Variants in HDAC8 observed in about 807,000 individuals in gnomAD.
The protein encoded by HDAC8 is histone deacetylase-like 1.
In HDAC8, 1 loss-of-function variant was observed where a neutral mutation model predicts 32.2. The observed-to-expected ratio is 0.03, with a 90% confidence interval of 0.01 to 0.15. HDAC8 has a LOEUF of 0.15. Among genes scored for constraint, HDAC8 ranks in the 10% least tolerant of loss-of-function variants. The pLI is 1.00. For missense variants in HDAC8, 117 were observed against 300.0 expected, an observed-to-expected ratio of 0.39 and a Z score of 4.51; for synonymous variants, 108 against 113.9, an observed-to-expected ratio of 0.95 and a Z score of 0.33.
chrX:72,567,166 C>T (rs1175731305), intron 4 of HDAC8, among the ~76,000 whole-genome samples: 1 of 111,340 alleles, frequency 9.0e-6, no homozygotes, highest in African/African-American at 3.3e-5. Flanking sequence ...AACAAATAAA[C>T]AAACAAACAC....
Position 72,329,696 on chromosome X carries a change from C to T in HDAC8, c.*358G>A, listed in dbSNP as rs1555939518. ...CTCCTGCCCTACAAACTGGTGACTG[C>T]TCTCATCCAGCTTCTGATCTGTTTC... On this transcript the variant is annotated 3_prime_UTR_variant, in exon 11 of 11. Coordinates refer to ENST00000373573, the MANE Select transcript of HDAC8 (RefSeq NM_018486.3). 2.5e-6 allele frequency: 3 copies of T among 1,189,104 alleles called. No individual in the cohort carries two copies. Among genetic ancestry groups the T allele is most frequent in the South Asian group, 1.9e-5 (1 of 53,932 alleles).
Position 72,438,957 on chromosome X carries a change from C to T in HDAC8, c.1005+23047G>A, listed in dbSNP as rs186520144. Among the ~76,000 whole-genome samples, 5 of 111,463 alleles carry T rather than the reference C, an allele frequency of 4.5e-5. No homozygotes were observed. The East Asian group carries it at 1.1e-3, about 25-fold the overall frequency. ...GGCCAACATTCAAATTCAGGAAATA[C>T]AGAGAACACCACAAAGATACTCCTC... On this transcript the variant is annotated intron_variant, in intron 9 of 10. Coordinates refer to ENST00000373573, the MANE Select transcript of HDAC8 (RefSeq NM_018486.3).
chrX:72,551,470 T>G (rs1480821908), intron 4 of HDAC8, among the ~76,000 whole-genome samples: 2 of 111,937 alleles, frequency 1.8e-5, no homozygotes, highest in Non-Finnish European at 3.8e-5. Context: ...ATATGTATAT[T>G]TTAATAGCTT....
intron 9 of HDAC8, among the ~76,000 whole-genome samples, chrX:72,447,029 A>G (rs781809300): frequency 8.9e-6 from 1 of 112,228 alleles, no homozygotes; most frequent in Non-Finnish European, 1.9e-5. Context: ...AGCTGGTACC[A>G]TTCCTTCTGA....
chrX:72,383,509 C>T (rs1310076029), intron 9 of HDAC8, among the ~76,000 whole-genome samples: 1 of 112,188 alleles, frequency 8.9e-6, no homozygotes, highest in East Asian at 2.8e-4. Context: ...ACAAAAATAG[C>T]CAAACCATGT....
intron 7 of HDAC8, chrX:72,468,043 C>T (rs1555995837): frequency 8.5e-7 from 1 of 1,170,907 alleles, no homozygotes; most frequent in South Asian, 2.0e-5. Context: ...TGATAAGAAG[C>T]TTTCAGAAAG....
At chrX:72,446,352 G>A (rs1382905002) in intron 9 of HDAC8, among the ~76,000 whole-genome samples, 5 of 111,850 alleles carry the variant, frequency 4.5e-5, no homozygotes, top group Admixed American at 2.8e-4. Context: ...ATACTATGCA[G>A]CCATAAAAAA....
At chrX:72,382,276 A>C (rs1274072505) in intron 9 of HDAC8, among the ~76,000 whole-genome samples, 5 of 112,470 alleles carry the variant, frequency 4.4e-5, no homozygotes, top group Non-Finnish European at 9.4e-5. Flanking sequence ...CACTTGCCTC[A>C]TCCTGTTATA....
chrX:72,540,634 G>A (rs2050674435), intron 4 of HDAC8, among the ~76,000 whole-genome samples: 1 of 110,405 alleles, frequency 9.1e-6, no homozygotes, highest in African/African-American at 3.3e-5. Context: ...TGTAATCTCT[G>A]ACTGCCACGT....
At chrX:72,337,304 T>A (rs781838263) in intron 10 of HDAC8, among the ~76,000 whole-genome samples, 2 of 112,350 alleles carry the variant, frequency 1.8e-5, no homozygotes, top group Non-Finnish European at 3.8e-5. Flanking sequence ...TATTGAGCAC[T>A]TGAAATATGT....
chrX:72,553,648 G>T, intron 4 of HDAC8, among the ~76,000 whole-genome samples: 1 of 111,494 alleles, frequency 9.0e-6, no homozygotes, highest in African/African-American at 3.3e-5. Context: ...TTGGTTCCAG[G>T]ACCCCTGCAG....
chrX:72,426,582 T>C (rs2046645801), intron 9 of HDAC8, among the ~76,000 whole-genome samples: 1 of 112,260 alleles, frequency 8.9e-6, no homozygotes, highest in Non-Finnish European at 1.9e-5. Flanking sequence ...GTCAATAGTG[T>C]AGCATATATG....
intron 9 of HDAC8, chrX:72,377,204 G>A (rs1280308297): frequency 1.8e-5 from 2 of 112,254 alleles, no homozygotes; most frequent in African/African-American, 3.2e-5. Flanking sequence ...TATTAGGAGT[G>A]TGCTGTTTAA....
chrX:72,493,790 G>T (rs1158418402), intron 5 of HDAC8, among the ~76,000 whole-genome samples: 2 of 111,270 alleles, frequency 1.8e-5, no homozygotes, highest in East Asian at 5.7e-4. Flanking sequence ...TTGACCTCTT[G>T]GGTTCAAGCG....
intron 4 of HDAC8, among the ~76,000 whole-genome samples, chrX:72,528,298 C>G (rs1447953224): frequency 9.0e-6 from 1 of 111,670 alleles, no homozygotes; most frequent in African/African-American, 3.3e-5. Context: ...GTTGAATGAA[C>G]AAATGGATGA....
intron 10 of HDAC8, among the ~76,000 whole-genome samples, chrX:72,348,688 C>A (rs936367738): frequency 4.5e-5 from 5 of 111,713 alleles, no homozygotes; most frequent in African/African-American, 1.6e-4. Flanking sequence ...TATTCTGTAG[C>A]CACTCCACTT....
chrX:72,365,828 G>T (rs781977525), intron 9 of HDAC8, among the ~76,000 whole-genome samples: 1 of 111,725 alleles, frequency 9.0e-6, no homozygotes, highest in Non-Finnish European at 1.9e-5. Context: ...CTCCATCAGA[G>T]TAGGATTTAT....
chrX:72,370,083 G>A (rs1462108504), intron 9 of HDAC8, among the ~76,000 whole-genome samples: 2 of 112,201 alleles, frequency 1.8e-5, no homozygotes, highest in East Asian at 5.6e-4. Context: ...GGGCCTGAAT[G>A]GCTAGCTCCT....
chrX:72,413,133 A>ATACTT (rs1569279103), intron 9 of HDAC8, among the ~76,000 whole-genome samples: 1 of 108,903 alleles, frequency 9.2e-6, no homozygotes, highest in East Asian at 2.9e-4. Context: ...TATTATTATT[A>ATACTT]TACTTTAAGT....
Sources: allele counts gnomAD v4.1 joint callset (sites outside exome capture counted in the v4.1 genomes callset), GRCh38; gene constraint gnomAD v4.1.1; transcripts MANE v1.5; gene names NCBI Gene and HGNC (gene_info 2026-07-23, HGNC 2026-07-21).